WWOX: variants seen among roughly 807,000 people sequenced by gnomAD.
WWOX encodes the protein WW domain-containing oxidoreductase.
In WWOX, 69 loss-of-function variants were observed where a neutral mutation model predicts 46.2. The observed-to-expected ratio is 1.49, with a 90% CI of 1.23 to 1.82. The LOEUF (loss-of-function observed/expected upper bound fraction) is 1.82. Ranked by LOEUF, WWOX falls within the 40% of genes most tolerant of loss-of-function variation. The probability of loss-of-function intolerance (pLI) is 0.00; values close to 1 mark genes in which losing one functional copy is unlikely to be tolerated. For missense variants in WWOX, 919 were observed against 542.6 expected, an observed-to-expected ratio of 1.69 and a Z score of -6.89; for synonymous variants, 359 against 202.6, an observed-to-expected ratio of 1.77 and a Z score of -6.56.
chr16:78,558,349 T>C (rs1039034621), intron 8 of WWOX, among the ~76,000 whole-genome samples: 8 of 152,262 alleles, frequency 5.3e-5, no homozygotes, highest in African/African-American at 1.9e-4. Context: ...TTGTTTTGGA[T>C]TTTTTAATGA....
intron 8 of WWOX, among the ~76,000 whole-genome samples, chr16:78,943,955 C>T (rs894616677): frequency 1.3e-5 from 2 of 152,170 alleles, no homozygotes; most frequent in Non-Finnish European, 2.9e-5. Context: ...TTTCTGTTGT[C>T]AGAAGAGTTC....
intron 8 of WWOX, among the ~76,000 whole-genome samples, chr16:78,454,112 T>G (rs1187374575): frequency 6.6e-6 from 1 of 152,206 alleles, no homozygotes; most frequent in Non-Finnish European, 1.5e-5. Flanking sequence ...CCTCTTCCAG[T>G]ATTCTAGAGT....
At position 78,507,993 on chromosome 16, in the gene WWOX, C is replaced by CATGTGT. The variant is rs1555551446; in HGVS notation, c.1056+75241_1056+75242insATGTGT. On this transcript the variant is annotated intron_variant, in intron 8 of 8. Coordinates refer to ENST00000566780, the MANE Select transcript of WWOX (RefSeq NM_016373.4). ...TGTGGTGTTTTTTGATTTTTGGTTG[C>CATGTGT]GTGCGTGTGTGTGTGTGTGTGTGTG... 6.9e-5 allele frequency among the ~76,000 whole-genome samples: 10 copies of CATGTGT among 145,548 alleles called. 1 individual carries two copies. The highest frequency in any genetic ancestry group is 2.6e-4 in the African/African-American group (10 of 39,012).
chr16:79,211,686 T>TGCTGCC lies in WWOX; in HGVS notation c.1141_1146dup (p.Arg381_Cys382dup), dbSNP rs756101422. The TGCTGCC allele has an allele frequency of 5.6e-6, 9 of 1,614,126 alleles. No homozygotes were observed. In the East Asian group the frequency reaches 1.8e-4, roughly 32 times the overall value. On this transcript the variant is annotated inframe_insertion, in exon 9 of 9. Coordinates refer to ENST00000566780, the MANE Select transcript of WWOX (RefSeq NM_016373.4). ...TCTGGGAGGGATGTACTTCAACAAC[T>TGCTGCC]GCTGCCGCTGCATGCCCTCACCAGA...
intron 8 of WWOX, among the ~76,000 whole-genome samples, chr16:78,652,408 CAA>C (rs747993811): frequency 1.9e-3 from 204 of 107,434 alleles, no homozygotes; most frequent in African/African-American, 8.7e-3. Flanking sequence ...GACTCCGTCT[CAA>C]AAAAAAAAAA....
At chr16:78,662,155 A>T (rs1447846724) in intron 8 of WWOX, among the ~76,000 whole-genome samples, 1 of 152,180 alleles carries the variant, frequency 6.6e-6, no homozygotes, top group Non-Finnish European at 1.5e-5. Context: ...AGTGCTTCAC[A>T]GTGAGGCACA....
chr16:78,964,100 C>T (rs1567442846), intron 8 of WWOX, among the ~76,000 whole-genome samples: 1 of 152,154 alleles, frequency 6.6e-6, no homozygotes, highest in Non-Finnish European at 1.5e-5. Context: ...TCTTTATCAG[C>T]AGTGTGAAAA....
At position 78,545,787 on chromosome 16, in the gene WWOX, C is replaced by T. The variant is rs113561743; in HGVS notation, c.1056+113035C>T. Among the ~76,000 whole-genome samples, 42 of 152,268 alleles carry T rather than the reference C, an allele frequency of 2.8e-4. 1 individual carries two copies. The highest frequency in any genetic ancestry group is 9.9e-4 in the African/African-American group (41 of 41,558). ...CTGGCAGGGTCTCTCTGAGGCCTCT[C>T]TCCTTGGCTTGCAGACGGCCGCCTT... On this transcript the variant is annotated intron_variant, in intron 8 of 8. Coordinates refer to ENST00000566780, the MANE Select transcript of WWOX (RefSeq NM_016373.4).
chr16:79,058,494 A>G (rs1422088652), intron 8 of WWOX, among the ~76,000 whole-genome samples: 2 of 152,142 alleles, frequency 1.3e-5, no homozygotes, highest in East Asian at 3.9e-4. Context: ...AAAAAGAGGG[A>G]TGGAAAGGAG....
intron 1 of WWOX, among the ~76,000 whole-genome samples, chr16:78,101,249 G>T (rs905009212): frequency 2.3e-4 from 34 of 149,654 alleles, no homozygotes; most frequent in African/African-American, 8.1e-4. Context: ...GGGTTTCACC[G>T]TGTTAGCCAG....
At chr16:78,724,777 GTGATTTGA>G (rs2048784952) in intron 8 of WWOX, among the ~76,000 whole-genome samples, 3 of 152,248 alleles carry the variant, frequency 2.0e-5, no homozygotes, top group South Asian at 2.1e-4. Context: ...CTGGGGAGCA[GTGATTTGA>G]TGATTTGATG....
intron 8 of WWOX, among the ~76,000 whole-genome samples, chr16:78,875,366 T>C (rs1441691582): frequency 1.3e-5 from 2 of 152,190 alleles, no homozygotes. Flanking sequence ...ATGCTCCCAG[T>C]ATATAAGACA....
intron 8 of WWOX, among the ~76,000 whole-genome samples, chr16:78,993,839 G>T (rs141638239): frequency 6.6e-6 from 1 of 152,328 alleles, no homozygotes; most frequent in Non-Finnish European, 1.5e-5. Flanking sequence ...CAAGACGCCT[G>T]TTCTCCACGG....
intron 8 of WWOX, among the ~76,000 whole-genome samples, chr16:78,642,949 G>A (rs2142119401): frequency 6.6e-6 from 1 of 152,252 alleles, no homozygotes; most frequent in Middle Eastern, 3.4e-3. Context: ...GTAATAATAA[G>A]ACCTGCTTCC....
intron 8 of WWOX, among the ~76,000 whole-genome samples, chr16:79,185,864 G>C (rs955117810): frequency 6.6e-6 from 1 of 152,066 alleles, no homozygotes; most frequent in Non-Finnish European, 1.5e-5. Flanking sequence ...CTATAAAAAA[G>C]ATAAATTTAG....
At chr16:78,341,007 C>G (rs556936571) in intron 5 of WWOX, among the ~76,000 whole-genome samples, 2 of 118,030 alleles carry the variant, frequency 1.7e-5, no homozygotes, top group East Asian at 3.9e-4. Context: ...GGTTGTCTTT[C>G]AACCCCATTT....
At chr16:78,519,933 T>C (rs528403611) in intron 8 of WWOX, among the ~76,000 whole-genome samples, 1 of 152,320 alleles carries the variant, frequency 6.6e-6, no homozygotes, top group Admixed American at 6.5e-5. Flanking sequence ...TTGAGATTCT[T>C]TTTTCAGTAG....
At chr16:78,398,244 C>G (rs1000926947) in intron 6 of WWOX, among the ~76,000 whole-genome samples, 1 of 152,144 alleles carries the variant, frequency 6.6e-6, no homozygotes, top group African/African-American at 2.4e-5. Context: ...TGTGGCCCAC[C>G]CAGGCCTCTG....
chr16:78,957,897 G>A (rs1053845417), intron 8 of WWOX, among the ~76,000 whole-genome samples: 2 of 152,146 alleles, frequency 1.3e-5, no homozygotes, highest in Admixed American at 6.6e-5. Flanking sequence ...TGACTAATCC[G>A]CCCTTTCTTT....
Sources: gnomAD v4.1 joint callset for allele counts (sites outside exome capture counted in the v4.1 genomes callset) on GRCh38, gnomAD v4.1.1 for gene constraint, MANE v1.5 for transcripts, NCBI Gene and HGNC (gene_info 2026-07-23, HGNC 2026-07-21) for gene names.